Variants in CLEC12A observed in about 807,000 individuals in gnomAD.
CLEC12A encodes C-type lectin protein CLL-1.
A neutral mutation model predicts 26.5 loss-of-function variants in CLEC12A; 22 were observed. That is an observed-to-expected ratio of 0.83 (90% CI 0.59 to 1.19). The LOEUF is 1.19. CLEC12A is among the 50% of genes most tolerant of loss of function. The pLI is 0.00. For synonymous variants in CLEC12A, 119 were observed against 101.9 expected, an observed-to-expected ratio of 1.17 and a Z score of -1.01; for missense variants, 353 against 315.6, an observed-to-expected ratio of 1.12 and a Z score of -0.90.
At chr12:10,003,255 C>T in the CLEC12A span, among the ~76,000 whole-genome samples, 1 of 152,146 alleles carries the variant, frequency 6.6e-6, no homozygotes, top group Non-Finnish European at 1.5e-5. Context: ...CCTTCATTTA[C>T]AGAAAGCTTA....
intron 1 of CLEC12A, among the ~76,000 whole-genome samples, chr12:9,972,320 C>A (rs1206211635): frequency 6.6e-6 from 1 of 152,040 alleles, no homozygotes. Context: ...TATCAAGTAA[C>A]TTTGTATTTT....
intron 1 of CLEC12A, among the ~76,000 whole-genome samples, chr12:9,957,615 G>T (rs1026493058): frequency 6.6e-6 from 1 of 152,164 alleles, no homozygotes; most frequent in African/African-American, 2.4e-5. Context: ...GTGGGGTAAA[G>T]AAATAGTCAC....
At chr12:10,003,037 T>A in the CLEC12A span, among the ~76,000 whole-genome samples, 2 of 152,214 alleles carry the variant, frequency 1.3e-5, no homozygotes, top group African/African-American at 2.4e-5. Flanking sequence ...TGTTGACCAC[T>A]GTGGGTGTTA....
exon 5 of CLEC12A, chr12:9,995,497 A>G: frequency 2.4e-6 from 1 of 413,666 alleles, no homozygotes; most frequent in Non-Finnish European, 4.6e-6. Context: ...TGTTTATAAC[A>G]TGTATTTAGA....
At chr12:9,966,601 G>T (rs186408106), upstream of CLEC12A, among the ~76,000 whole-genome samples, 1 of 152,082 alleles carries the variant, frequency 6.6e-6, no homozygotes, top group Non-Finnish European at 1.5e-5. Context: ...AAGTTCTTGC[G>T]TGCTGGAGAT....
intron 1 of CLEC12A, among the ~76,000 whole-genome samples, chr12:9,957,895 C>T (rs1863768917): frequency 6.6e-6 from 1 of 152,196 alleles, no homozygotes; most frequent in Admixed American, 6.5e-5. Context: ...ATTTTCCTTT[C>T]ACATCTGTAA....
downstream of CLEC12A, among the ~76,000 whole-genome samples, chr12:9,989,328 C>G (rs1334309114): frequency 2.7e-5 from 4 of 150,232 alleles, no homozygotes; most frequent in Non-Finnish European, 4.4e-5. Flanking sequence ...CTAACCTGCA[C>G]GTTGTGCACA....
chr12:9,971,663 G>C lies in CLEC12A; in HGVS notation c.67G>C (p.Glu23Gln). The C allele has an allele frequency of 6.2e-7, 1 of 1,610,066 alleles. No individual in the cohort carries two copies. Among genetic ancestry groups the C allele is most frequent in the Non-Finnish European group, 8.5e-7 (1 of 1,178,038 alleles). Residue 23 changes from glutamate to glutamine, a missense_variant, in exon 1 of 6, where the codon GAA (glutamate) becomes CAA (glutamine). Coordinates refer to ENST00000304361, the MANE Select transcript of CLEC12A (RefSeq NM_138337.6). Reference sequence around the variant, plus strand: ...CTCCAGTGAGATGGAAAAAATCCCAGAAATTGGCAAATTTGGGGAAAAAGG... The same window carrying C: ...CTCCAGTGAGATGGAAAAAATCCCACAAATTGGCAAATTTGGGGAAAAAGG... Reference protein sequence around the residue: ...QNSSEMEKIPEIGKFGEKAPP... With the variant: ...QNSSEMEKIPQIGKFGEKAPP...
downstream of CLEC12A, among the ~76,000 whole-genome samples, chr12:9,998,539 A>G (rs114799595): frequency 7.2e-3 from 937 of 130,658 alleles, 103 homozygotes; most frequent in African/African-American, 0.025. Flanking sequence ...ATCATCAACA[A>G]TAGGCATGGC....
chr12:9,954,387 C>T (rs1053110163), intron 1 of CLEC12A, among the ~76,000 whole-genome samples: 5 of 151,876 alleles, frequency 3.3e-5, no homozygotes, highest in African/African-American at 1.2e-4. Context: ...CCCAGCTACT[C>T]AGGAGGCTGA....
chr12:9,979,330 G>T lies in CLEC12A; in HGVS notation c.191-6G>T. ...TACAATTTTTTGTCATTTTTTTAAT[G>T]TGGAGTTCACGTAACTTTGAAGATA... is the stretch of plus-strand genomic sequence containing the variant. On this transcript the variant is annotated splice_polypyrimidine_tract_variant and splice_region_variant and intron_variant, in intron 2 of 5. Coordinates refer to ENST00000304361, the MANE Select transcript of CLEC12A (RefSeq NM_138337.6). 6.4e-7 allele frequency: 1 copy of T among 1,566,456 alleles called. No individual in the cohort carries two copies. The highest frequency in any genetic ancestry group is 8.7e-7 in the Non-Finnish European group (1 of 1,151,044).
chr12:9,972,400 T>G (rs1028559917), intron 1 of CLEC12A, among the ~76,000 whole-genome samples: 1 of 152,132 alleles, frequency 6.6e-6, no homozygotes, highest in Non-Finnish European at 1.5e-5. Context: ...AAACTACTCT[T>G]CATCTTACTC....
At chr12:9,994,844 C>T (rs1003213534) in intron 4 of CLEC12A, among the ~76,000 whole-genome samples, 1 of 151,916 alleles carries the variant, frequency 6.6e-6, no homozygotes, top group African/African-American at 2.4e-5. Context: ...CACACACACA[C>T]ACACACTCAC....
intron 1 of CLEC12A, among the ~76,000 whole-genome samples, chr12:9,978,392 A>G (rs1345920187): frequency 4.4e-5 from 6 of 137,662 alleles, no homozygotes; most frequent in South Asian, 2.6e-4. Context: ...AAAAATTGCA[A>G]TAAAAATGGT....
At chr12:10,002,133 G>A in the CLEC12A span, among the ~76,000 whole-genome samples, 1 of 151,814 alleles carries the variant, frequency 6.6e-6, no homozygotes, top group Admixed American at 6.6e-5. Context: ...CACCCGCCTC[G>A]GCCTCCCAAA....
chr12:9,968,701 AC>A (rs1864027550), upstream of CLEC12A, among the ~76,000 whole-genome samples: 1 of 152,214 alleles, frequency 6.6e-6, no homozygotes, highest in Admixed American at 6.5e-5. Flanking sequence ...ATAACAACCC[AC>A]AAAAAATATA....
At chr12:9,988,007 G>C (rs1212493948), downstream of CLEC12A, among the ~76,000 whole-genome samples, 1 of 151,906 alleles carries the variant, frequency 6.6e-6, no homozygotes, top group African/African-American at 2.4e-5. Context: ...GGACTGTTGA[G>C]TTAATGCTAA....
chr12:9,986,958 A>T (rs633874), downstream of CLEC12A, among the ~76,000 whole-genome samples: 1 of 152,048 alleles, frequency 6.6e-6, no homozygotes, highest in Admixed American at 6.5e-5. Flanking sequence ...AAATTCTTTT[A>T]TTTTAAAAGA....
chr12:9,962,639 C>T (rs1220141573), intron 1 of CLEC12A, among the ~76,000 whole-genome samples: 1 of 151,910 alleles, frequency 6.6e-6, no homozygotes, highest in African/African-American at 2.4e-5. Flanking sequence ...GGAGTGGGGG[C>T]CACAAGGTGC....
Sources: gnomAD v4.1 joint callset for allele counts (sites outside exome capture counted in the v4.1 genomes callset) on GRCh38, gnomAD v4.1.1 for gene constraint, MANE v1.5 for transcripts, NCBI Gene and HGNC (gene_info 2026-07-23, HGNC 2026-07-21) for gene names.